ANKRD54: variants seen among roughly 807,000 people sequenced by gnomAD.
ANKRD54 encodes ankyrin repeat domain 54.
A neutral mutation model predicts 36.2 loss-of-function variants in ANKRD54; 26 were observed. The ratio of observed to expected loss-of-function variants is 0.72; its 90% CI spans 0.53 to 1.00. The LOEUF is 1.00. Ranked by LOEUF, ANKRD54 falls within the 50% of genes least tolerant of loss-of-function variation. The pLI, the probability that ANKRD54 is intolerant of heterozygous loss-of-function variation, is 0.00. For missense variants in ANKRD54, 384 were observed against 424.3 expected, an observed-to-expected ratio of 0.91 and a Z score of 0.83; for synonymous variants, 209 against 188.4, an observed-to-expected ratio of 1.11 and a Z score of -0.89.
At position 37,831,631 on chromosome 22, in the gene ANKRD54, G is replaced by A. The variant is rs1351435582; in HGVS notation, c.*312C>T. Reference sequence around the variant, plus strand: ...TGGAGCGCGCCATGAAGGCCATGGGGCAAGTGAGGTCTGCTGAGATAGCGC... The same window carrying A: ...TGGAGCGCGCCATGAAGGCCATGGGACAAGTGAGGTCTGCTGAGATAGCGC... On this transcript the variant is annotated 3_prime_UTR_variant, in exon 8 of 8. Coordinates refer to ENST00000215941, the MANE Select transcript of ANKRD54 (RefSeq NM_138797.4). 2 of 388,808 alleles carry A rather than the reference G, an allele frequency of 5.1e-6. No individual in the cohort carries two copies. Among genetic ancestry groups the A allele is most frequent in the Non-Finnish European group, 9.6e-6 (2 of 209,070 alleles). 24.1% of individuals were successfully genotyped at this position (388,808 alleles called of 1,614,324 possible).
intron 3 of ANKRD54, among the ~76,000 whole-genome samples, chr22:37,835,042 G>A (rs908875415): frequency 6.6e-6 from 1 of 151,650 alleles, no homozygotes; most frequent in African/African-American, 2.4e-5. Flanking sequence ...CTGGGTGACA[G>A]AGCGAGACTC....
upstream of ANKRD54, among the ~76,000 whole-genome samples, chr22:37,845,112 TGTGA>T (rs994067580): frequency 1.3e-5 from 2 of 152,004 alleles, no homozygotes; most frequent in East Asian, 1.9e-4. Flanking sequence ...CACTACAAAC[TGTGA>T]GTAATAGTGT....
chr22:37,838,614 C>T lies in ANKRD54; in HGVS notation c.377-16G>A. 1 of 1,603,186 alleles carries T rather than the reference C, an allele frequency of 6.2e-7. No individual in the cohort carries two copies. Among genetic ancestry groups the T allele is most frequent in the Non-Finnish European group, 8.5e-7 (1 of 1,176,636 alleles). On this transcript the variant is annotated splice_polypyrimidine_tract_variant and intron_variant, in intron 2 of 7. Coordinates refer to ENST00000215941, the MANE Select transcript of ANKRD54 (RefSeq NM_138797.4). ...AGCTGCTGCACTGACACCACCAAGA[C>T]AGAGGGAGGAAGGGGGAGAAAGCGG...
At chr22:37,842,149 G>T (rs1353836744) in intron 1 of ANKRD54, among the ~76,000 whole-genome samples, 1 of 152,120 alleles carries the variant, frequency 6.6e-6, no homozygotes, top group Non-Finnish European at 1.5e-5. Context: ...CTAGCTGGGT[G>T]TGGTGGTGCG....
chr22:37,832,913 A>C, intron 6 of ANKRD54, 45 bp downstream of exon 6: 2 of 1,610,074 alleles, frequency 1.2e-6, no homozygotes, highest in Non-Finnish European at 1.7e-6. Flanking sequence ...GCATCTGTCC[A>C]GTGCTGCCTT....
chr22:37,844,204 G>A lies in ANKRD54; in HGVS notation c.35C>T (p.Pro12Leu). The A allele has an allele frequency of 4.6e-6, 7 of 1,521,848 alleles. No individual in the cohort carries two copies. Among genetic ancestry groups the A allele is most frequent in the Non-Finnish European group, 6.1e-6 (7 of 1,144,034 alleles). The allele number at this position is 1,521,848 out of a possible 1,614,324, so 94.3% of individuals were successfully genotyped here. The change falls in exon 1 of 8, where the codon CCG becomes CTG. Residue 12 changes from proline to leucine, a missense_variant. Transcript: ENST00000215941. ...CTCCGAGCTCGAGTGGCCTGAGCGCGGCTCGTCGTCCGCGTCCCCGGCGGC... is the reference window on the plus strand; with the variant it reads ...CTCCGAGCTCGAGTGGCCTGAGCGCAGCTCGTCGTCCGCGTCCCCGGCGGC... ...AAAAGDADDE[P>L]RSGHSSSEGE...
At chr22:37,841,829 T>C (rs528594075) in intron 1 of ANKRD54, among the ~76,000 whole-genome samples, 20 of 150,306 alleles carry the variant, frequency 1.3e-4, no homozygotes, top group East Asian at 9.7e-4. Context: ...GCCTGGGCAA[T>C]AGAGCAAGAC....
At position 37,832,997 on chromosome 22, in the gene ANKRD54, A is replaced by G. The variant is rs1051068606; in HGVS notation, c.681T>C (p.His227=). The change falls in exon 6 of 8, where the codon CAT becomes CAC. Residue 227 remains histidine (H), a synonymous_variant. Transcript: ENST00000215941. ...KSKLNILQEG[H]AQCLEAVRLE... ...GACGCACAGCCTCTAGGCACTGGGC[A>G]TGGCCCTCCTGCAGGATATTCAGCT... 7 of 1,614,098 alleles carry G rather than the reference A, an allele frequency of 4.3e-6. No homozygotes were observed. Among genetic ancestry groups the G allele is most frequent in the East Asian group, 4.5e-5 (2 of 44,886 alleles).
At chr22:37,836,559 G>A in intron 3 of ANKRD54, among the ~76,000 whole-genome samples, 1 of 151,252 alleles carries the variant, frequency 6.6e-6, no homozygotes, top group East Asian at 1.9e-4. Flanking sequence ...TCACATACCA[G>A]GGCCTGTCGG....
chr22:37,845,951 G>T (rs1198099764), upstream of ANKRD54, among the ~76,000 whole-genome samples: 1 of 152,160 alleles, frequency 6.6e-6, no homozygotes, highest in Non-Finnish European at 1.5e-5. Context: ...GAGGCAGGCA[G>T]ATCACGAGGT....
upstream of ANKRD54, among the ~76,000 whole-genome samples, chr22:37,847,379 C>G (rs1460982715): frequency 6.6e-6 from 1 of 151,984 alleles, no homozygotes; most frequent in Non-Finnish European, 1.5e-5. Context: ...CCAGGCTGGT[C>G]TCGAACTCCT....
chr22:37,845,179 G>A (rs1449282539), upstream of ANKRD54, among the ~76,000 whole-genome samples: 1 of 152,180 alleles, frequency 6.6e-6, no homozygotes, highest in Non-Finnish European at 1.5e-5. Context: ...CCCCGACGTA[G>A]ATGACTGATC....
chr22:37,831,992 G>T lies in ANKRD54; in HGVS notation c.854C>A (p.Ala285Asp). 1 of 1,613,518 alleles carries T rather than the reference G, an allele frequency of 6.2e-7. No individual in the cohort carries two copies. Among genetic ancestry groups the T allele is most frequent in the Non-Finnish European group, 8.5e-7 (1 of 1,179,812 alleles). The change falls in exon 8 of 8, where the codon GCC becomes GAC. Residue 285 changes from alanine (A) to aspartate (D), a missense_variant. Around this residue, in one of 3 missense-constraint regions of ANKRD54, gnomAD observed 179 missense variants for 224.0 expected, o/e 0.80. Coordinates refer to ENST00000215941, the MANE Select transcript of ANKRD54 (RefSeq NM_138797.4). ...CTGCAGACTGAGGGAGGTGAAGCTG[G>T]CCAGGAGGTCAGTCACTTCATCCAC... ...EQVDEVTDLL[A>D]SFTSLSLQMQ...
chr22:37,835,361 C>CAAATAAAT (rs528976396), intron 3 of ANKRD54, among the ~76,000 whole-genome samples: 2 of 151,746 alleles, frequency 1.3e-5, no homozygotes, highest in African/African-American at 4.8e-5. Context: ...GACTCTGTCT[C>CAAATAAAT]AAATAAATAA....
upstream of ANKRD54, among the ~76,000 whole-genome samples, chr22:37,847,163 C>CA (rs1924884348): frequency 6.9e-6 from 1 of 145,550 alleles, no homozygotes. Context: ...AATTTCTTTT[C>CA]TTTTTTCTTT....
chr22:37,833,341 A>C (rs1043827343), intron 4 of ANKRD54, 135 bp from the exon 5 acceptor site: 1 of 1,098,304 alleles, frequency 9.1e-7, no homozygotes, highest in African/African-American at 1.6e-5. Flanking sequence ...TCGCCAAGGC[A>C]CAGCTAGGTA....
chr22:37,833,827 TAG>T, intron 3 of ANKRD54, 72 bp from the exon 4 acceptor site: 2 of 1,438,782 alleles, frequency 1.4e-6, no homozygotes, highest in Non-Finnish European at 1.9e-6. Flanking sequence ...CTAACCTAGC[TAG>T]AGAGGCTGGC....
rs187022760 is a variant in ANKRD54 at position 37,840,985 on chromosome 22, G to A, written c.329-751C>T. ...TAACACCAGCTACTTAGGAGGCCGA[G>A]GTAGGAGAATGGGTTGAAGCCGGAA... On this transcript the variant is annotated intron_variant, in intron 1 of 7. Coordinates refer to ENST00000215941, the MANE Select transcript of ANKRD54 (RefSeq NM_138797.4). Among the ~76,000 whole-genome samples, 3 of 152,228 alleles carry A rather than the reference G, an allele frequency of 2.0e-5. No individual in the cohort carries two copies. In the East Asian group the frequency reaches 5.8e-4, roughly 29 times the overall value.
In ANKRD54 at chr22:37,844,265, G is replaced by T; in HGVS notation, c.-27C>A. The T allele has an allele frequency of 2.6e-6, 4 of 1,541,418 alleles. No homozygotes were observed. Among genetic ancestry groups the T allele is most frequent in the Non-Finnish European group, 1.7e-6 (2 of 1,152,476 alleles). ...GCAACGGCTCCGCGCGGGCCTGGCC[G>T]CCTGAGCCTCGTTCCCGACCGACCA... On this transcript the variant is annotated 5_prime_UTR_variant, in exon 1 of 8. Transcript: ENST00000215941.
Sources: allele counts gnomAD v4.1 joint callset (sites outside exome capture counted in the v4.1 genomes callset), GRCh38; gene constraint gnomAD v4.1.1; regional missense constraint gnomAD v4.1.1; transcripts MANE v1.5; gene names NCBI Gene and HGNC (gene_info 2026-07-23, HGNC 2026-07-21).